TLN2: variants seen among roughly 807,000 people sequenced by gnomAD.
TLN2 encodes talin 2.
In TLN2, 118 loss-of-function variants were observed where a neutral mutation model predicts 294.7. The ratio of observed to expected loss-of-function variants is 0.40; its 90% CI spans 0.34 to 0.47. The LOEUF (loss-of-function observed/expected upper bound fraction) is 0.47, where lower values mean the gene tolerates loss of function less well. TLN2 is among the 20% of genes least tolerant of loss of function. The pLI is 0.84. For missense variants in TLN2, 3,083 were observed against 3,282.2 expected, an observed-to-expected ratio of 0.94 and a Z score of 1.48; for synonymous variants, 1,431 against 1,304.5, an observed-to-expected ratio of 1.10 and a Z score of -2.09.
chr15:62,683,029 T>C (rs2056968736), intron 11 of TLN2: 1 of 152,270 alleles, frequency 6.6e-6, no homozygotes, highest in African/African-American at 2.4e-5. Flanking sequence ...TCAGGTTTGC[T>C]CTTGAGCAGC....
Position 62,697,762 on chromosome 15 carries a change from T to G in TLN2, c.1367T>G (p.Met456Arg). 6.2e-7 allele frequency: 1 copy of G among 1,612,458 alleles called. No individual in the cohort carries two copies. Among genetic ancestry groups the G allele is most frequent in the Non-Finnish European group, 8.5e-7 (1 of 1,179,174 alleles). The change falls in exon 15 of 59, where the codon ATG becomes AGG. Residue 456 changes from methionine (M) to arginine (R), a missense_variant. Transcript: ENST00000636159. ...GGCTCAGTGGCGCTGCCGGCCGTGA[T>G]GCGCTCGGGCTCCAGCGGGCCTGAG... is the stretch of plus-strand genomic sequence containing the variant. ...EHGSVALPAV[M>R]RSGSSGPETF...
At chr15:62,833,773 C>A in intron 55 of TLN2, 144 bp downstream of exon 55, 2 of 1,200,232 alleles carry the variant, frequency 1.7e-6, no homozygotes, top group Non-Finnish European at 1.1e-6. Flanking sequence ...CTGTGCTGAC[C>A]GACTGAAAAC....
intron 1 of TLN2, among the ~76,000 whole-genome samples, chr15:62,397,660 T>C (rs2032665043): frequency 6.6e-6 from 1 of 152,206 alleles, no homozygotes; most frequent in Non-Finnish European, 1.5e-5. Flanking sequence ...CTGCACAATC[T>C]GAAAACCATG....
At chr15:62,839,166 G>A (rs761669016) in intron 58 of TLN2, among the ~76,000 whole-genome samples, 185 bp downstream of exon 58, 19 of 152,164 alleles carry the variant, frequency 1.2e-4, no homozygotes, top group Non-Finnish European at 2.8e-4. Context: ...TCCCTGAGAT[G>A]TTACCCTTGG....
intron 1 of TLN2, among the ~76,000 whole-genome samples, chr15:62,461,381 A>G (rs1312155088): frequency 6.6e-6 from 1 of 152,156 alleles, no homozygotes; most frequent in African/African-American, 2.4e-5. Context: ...TCATCATAAT[A>G]TGGTACTCAT....
chr15:62,640,327 A>G (rs1567237779), intron 3 of TLN2: 1 of 456,184 alleles, frequency 2.2e-6, no homozygotes, highest in Non-Finnish European at 4.4e-6. Flanking sequence ...TTGGGCACAG[A>G]GGCCTTCCCA....
intron 1 of TLN2, among the ~76,000 whole-genome samples, chr15:62,581,108 C>A (rs1463699688): frequency 3.3e-5 from 5 of 151,946 alleles, no homozygotes; most frequent in Non-Finnish European, 7.4e-5. Flanking sequence ...GGTCTCCTAA[C>A]ACCTCAAGTG....
intron 1 of TLN2, among the ~76,000 whole-genome samples, chr15:62,532,041 T>G (rs866792964): frequency 7.1e-6 from 1 of 140,898 alleles, no homozygotes; most frequent in Non-Finnish European, 1.5e-5. Context: ...TACTTTTTTC[T>G]TTTTCTCTTT....
intron 1 of TLN2, among the ~76,000 whole-genome samples, chr15:62,408,694 TCAC>T (rs768686302): frequency 3.9e-5 from 6 of 152,218 alleles, no homozygotes; most frequent in Non-Finnish European, 7.3e-5. Context: ...AGTCTTTGGA[TCAC>T]CACCATCAGT....
intron 1 of TLN2, among the ~76,000 whole-genome samples, chr15:62,546,307 C>A (rs187613440): frequency 1.3e-5 from 2 of 152,140 alleles, no homozygotes; most frequent in Non-Finnish European, 2.9e-5. Context: ...AGCTGGGGCA[C>A]GGCTAATCTT....
At chr15:62,694,512 A>G (rs539422929) in intron 14 of TLN2, 120 bp downstream of exon 14, 4 of 766,952 alleles carry the variant, frequency 5.2e-6, no homozygotes, top group Middle Eastern at 3.2e-4. Context: ...AGCAGATGAT[A>G]TAGTTGAATC....
At chr15:62,484,965 CT>C (rs2038310140) in intron 1 of TLN2, among the ~76,000 whole-genome samples, 1 of 152,184 alleles carries the variant, frequency 6.6e-6, no homozygotes, top group Admixed American at 6.5e-5. Flanking sequence ...GGCTGCCTTC[CT>C]TCAGGAAGCT....
chr15:62,820,560 G>A lies in TLN2; in HGVS notation c.6952G>A (p.Glu2318Lys), dbSNP rs981630182. 1.9e-6 allele frequency: 3 copies of A among 1,613,836 alleles called. No homozygotes were observed. The highest frequency in any genetic ancestry group is 1.3e-5 in the African/African-American group (1 of 74,908). The change falls in exon 54 of 59, where the codon GAA (glutamate) becomes AAA (lysine). Residue 2318 changes from glutamate (E) to lysine (K), a missense_variant. By Grantham distance (56) the Glu-to-Lys change is moderately conservative (BLOSUM62 1). Transcript: ENST00000636159. ...GTTACTGGGGGCTGCAGCATCCATC[G>A]AAGCTGCTGCTAAGAAGTTAGAGCA... Reference protein sequence around the residue: ...TELLGAAASIEAAAKKLEQLK... With the variant: ...TELLGAAASIKAAAKKLEQLK...
chr15:62,755,482 C>T (rs748526974), intron 36 of TLN2, 50 bp from the exon 37 acceptor site: 1 of 1,596,938 alleles, frequency 6.3e-7, no homozygotes, highest in South Asian at 1.2e-5. Context: ...GGGGTGGACC[C>T]CTCTGCACTG....
At chr15:62,708,217 G>T (rs1461276915) in intron 20 of TLN2, among the ~76,000 whole-genome samples, 2 of 152,160 alleles carry the variant, frequency 1.3e-5, no homozygotes, top group African/African-American at 2.4e-5. Flanking sequence ...AAATTTCTCT[G>T]TATGGAAGTA....
chr15:62,586,440 G>A (rs1245181143), intron 1 of TLN2, among the ~76,000 whole-genome samples: 3 of 152,156 alleles, frequency 2.0e-5, no homozygotes, highest in Non-Finnish European at 2.9e-5. Flanking sequence ...AAAGATTTGT[G>A]CATCTACAAG....
chr15:62,770,713 C>G (rs1444088050), intron 41 of TLN2, among the ~76,000 whole-genome samples: 1 of 151,616 alleles, frequency 6.6e-6, no homozygotes, highest in Non-Finnish European at 1.5e-5. Context: ...TCATATCTAA[C>G]TCTGGATCTT....
At chr15:62,666,583 A>C (rs139371576) in intron 9 of TLN2, among the ~76,000 whole-genome samples, 2,337 of 152,340 alleles carry the variant, frequency 0.015, 50 homozygotes, top group African/African-American at 0.053. Flanking sequence ...ATATAATTAA[A>C]AGACCGGTCA....
intron 36 of TLN2, 163 bp downstream of exon 36, chr15:62,754,079 G>T: frequency 1.0e-6 from 1 of 987,558 alleles, no homozygotes; most frequent in Non-Finnish European, 1.4e-6. Context: ...AGCAAATATT[G>T]CAAAATATGA....
Sources: gnomAD v4.1 joint callset for allele counts (sites outside exome capture counted in the v4.1 genomes callset) on GRCh38, gnomAD v4.1.1 for gene constraint, MANE v1.5 for transcripts, NCBI Gene and HGNC (gene_info 2026-07-23, HGNC 2026-07-21) for gene names.